CCDC171: variants seen among roughly 807,000 people sequenced by gnomAD.
CCDC171 encodes coiled-coil domain containing 171.
CCDC171 carries 177 observed loss-of-function variants against 168.2 expected under a neutral mutation model. That is an observed-to-expected ratio of 1.05 (90% CI 0.93 to 1.19). CCDC171 has a LOEUF of 1.19. CCDC171 is among the 50% of genes most tolerant of loss of function. The pLI is 0.00. For missense variants in CCDC171, 1,991 were observed against 1,539.0 expected (o/e 1.29, Z -4.91); for synonymous variants, 687 against 540.8 (o/e 1.27, Z -3.75).
intron 7 of CCDC171, among the ~76,000 whole-genome samples, chr9:15,634,961 C>T (rs923118113): frequency 1.3e-5 from 2 of 152,148 alleles, no homozygotes; most frequent in African/African-American, 2.4e-5. Flanking sequence ...CATGTTGCAG[C>T]ATGTATTAGT....
rs780250149 is a variant in CCDC171 at position 15,723,687 on chromosome 9, G to T, written c.1432G>T (p.Ala478Ser). ...KLEDASNEEKACNELDSTKQK... is the reference protein window; with the variant it reads ...KLEDASNEEKSCNELDSTKQK... Reference sequence around the variant, plus strand: ...CAGCATGAATGATGTTAAGGAAAAGGCATGTAATGAACTTGATTCTACGAA... The same window carrying T: ...CAGCATGAATGATGTTAAGGAAAAGTCATGTAATGAACTTGATTCTACGAA... The change falls in exon 13 of 26, where the codon GCA (alanine) becomes TCA (serine). Residue 478 changes from alanine (A) to serine (S), a missense_variant. Transcript: ENST00000380701. 6.3e-7 allele frequency: 1 copy of T among 1,592,860 alleles called. No individual in the cohort carries two copies. The highest frequency in any genetic ancestry group is 1.1e-5 in the South Asian group (1 of 87,906).
intron 6 of CCDC171, among the ~76,000 whole-genome samples, chr9:15,604,507 A>G (rs927300922): frequency 6.6e-6 from 1 of 152,354 alleles, no homozygotes; most frequent in East Asian, 1.9e-4. Context: ...CTATACCTCA[A>G]CCAGGGAATA....
At chr9:16,097,233 T>C in the CCDC171 span, among the ~76,000 whole-genome samples, 1 of 149,668 alleles carries the variant, frequency 6.7e-6, no homozygotes, top group African/African-American at 2.6e-5. Flanking sequence ...GATAGAATGC[T>C]TATGGCATGT....
At chr9:16,090,644 C>G in the CCDC171 span, among the ~76,000 whole-genome samples, 1 of 152,212 alleles carries the variant, frequency 6.6e-6, no homozygotes. Context: ...TCACTTTTAT[C>G]TACCTGTCCC....
chr9:15,834,071 C>G (rs1323031150), intron 21 of CCDC171, among the ~76,000 whole-genome samples: 1 of 151,860 alleles, frequency 6.6e-6, no homozygotes, highest in Non-Finnish European at 1.5e-5. Context: ...TTCAGTGGGC[C>G]CAATTTTAAA....
At position 15,920,313 on chromosome 9, in the gene CCDC171, C is replaced by T; in HGVS notation, c.3644C>T (p.Thr1215Ile). The T allele has an allele frequency of 6.2e-7, 1 of 1,607,024 alleles. No individual in the cohort carries two copies. The part of the protein sequence containing the change: ...SFMDVYQLAS[T>I]RIMTLEKEMT... ...ATGGATGTCTACCAGCTTGCAAGCA[C>T]TAGAATCATGACATTAGAGAAGGAA... The change falls in exon 25 of 26, where the codon ACT becomes ATT. Residue 1215 changes from threonine to isoleucine, a missense_variant. Physicochemically the swap from Thr to Ile is moderately conservative, Grantham distance 89. Coordinates refer to ENST00000380701, the MANE Select transcript of CCDC171 (RefSeq NM_173550.4).
At chr9:16,089,874 A>G in the CCDC171 span, among the ~76,000 whole-genome samples, 1 of 152,230 alleles carries the variant, frequency 6.6e-6, no homozygotes, top group Non-Finnish European at 1.5e-5. Flanking sequence ...ACAATGAGAT[A>G]TCATCCCATG....
chr9:15,574,491 C>T lies in CCDC171; in HGVS notation c.177+2732C>T, dbSNP rs187593584. On this transcript the variant is annotated intron_variant, in intron 3 of 25. Transcript: ENST00000380701. Reference sequence around the variant, plus strand: ...ACGGAGTTTTACCATGTTGGCCAGGCTGGTCGCGAACTCCTGACCTCAAGT... The same window carrying T: ...ACGGAGTTTTACCATGTTGGCCAGGTTGGTCGCGAACTCCTGACCTCAAGT... 4.5e-4 allele frequency among the ~76,000 whole-genome samples: 69 copies of T among 152,120 alleles called. No homozygotes were observed. The Middle Eastern group carries it at 0.01, about 22-fold the overall frequency.
In CCDC171 at chr9:15,849,294, C is replaced by A. The variant is rs183983185; in HGVS notation, c.3468+347C>A. On this transcript the variant is annotated intron_variant, in intron 23 of 25. Coordinates refer to ENST00000380701, the MANE Select transcript of CCDC171 (RefSeq NM_173550.4). ...TACCACAGTGTCTAACCTCTTACCA[C>A]TCTTAAACCAATGGTCCTATATATA... 5.3e-5 allele frequency among the ~76,000 whole-genome samples: 8 copies of A among 151,238 alleles called. No individual in the cohort carries two copies. The East Asian group carries it at 1.4e-3, about 26-fold the overall frequency.
At chr9:15,901,658 A>G (rs1377339235) in intron 24 of CCDC171, among the ~76,000 whole-genome samples, 2 of 152,226 alleles carry the variant, frequency 1.3e-5, no homozygotes, top group Non-Finnish European at 2.9e-5. Flanking sequence ...AGTAAGAAAT[A>G]ACATATGTAT....
intron 4 of CCDC171, 80 bp from the exon 5 acceptor site, chr9:15,591,286 C>A: frequency 1.3e-6 from 1 of 796,700 alleles, no homozygotes; most frequent in Non-Finnish European, 2.0e-6. Flanking sequence ...TAAATGATGT[C>A]AACTCCAATG....
chr9:16,097,189 A>G, the CCDC171 span, among the ~76,000 whole-genome samples: 18 of 152,324 alleles, frequency 1.2e-4, no homozygotes, highest in Admixed American at 3.3e-4. Flanking sequence ...CCAGGTGTCA[A>G]GGTAAAACCA....
chr9:15,706,345 A>G (rs747338705), intron 11 of CCDC171, among the ~76,000 whole-genome samples: 10 of 151,074 alleles, frequency 6.6e-5, no homozygotes, highest in Admixed American at 1.3e-4. Context: ...GCTGGAGTGC[A>G]GTGGTGCAGT....
At chr9:15,758,512 T>C (rs538151341) in intron 18 of CCDC171, among the ~76,000 whole-genome samples, 8 of 152,338 alleles carry the variant, frequency 5.3e-5, no homozygotes, top group African/African-American at 1.9e-4. Flanking sequence ...GATGAGACTT[T>C]GGACTGTGGA....
At chr9:16,010,943 G>C (rs992265087) in intron 3 of CCDC171, among the ~76,000 whole-genome samples, 1 of 152,080 alleles carries the variant, frequency 6.6e-6, no homozygotes, top group Non-Finnish European at 1.5e-5. Flanking sequence ...AGCCTGATTC[G>C]CTCCTGAGTA....
In CCDC171 at chr9:15,602,847, G is replaced by A. The variant is rs753923471; in HGVS notation, c.675+8675G>A. ...TAATTTTTGTATTTTTAGTAGAGAC[G>A]GAGTTTTGCCAGGTTGGCAAGGCTG... On this transcript the variant is annotated intron_variant, in intron 6 of 25. Transcript: ENST00000380701. Among the ~76,000 whole-genome samples, 76 of 151,748 alleles carry A rather than the reference G, an allele frequency of 5.0e-4. No individual in the cohort carries two copies. In the Middle Eastern group the frequency reaches 0.01, roughly 21 times the overall value.
chr9:15,589,624 A>G (rs182841093), intron 4 of CCDC171, among the ~76,000 whole-genome samples: 25 of 152,348 alleles, frequency 1.6e-4, no homozygotes, highest in African/African-American at 5.0e-4. Context: ...AAAGTTGTAT[A>G]CTGTTAATTG....
intron 21 of CCDC171, among the ~76,000 whole-genome samples, chr9:15,810,192 G>T (rs2059278304): frequency 6.6e-6 from 1 of 152,012 alleles, no homozygotes; most frequent in Non-Finnish European, 1.5e-5. Flanking sequence ...GTCCCCACCA[G>T]ATTAGCTAGA....
intron 6 of CCDC171, among the ~76,000 whole-genome samples, chr9:15,606,019 C>G (rs1227805842): frequency 6.6e-6 from 1 of 152,062 alleles, no homozygotes; most frequent in African/African-American, 2.4e-5. Flanking sequence ...ACACACATAC[C>G]TATGATAACG....
Sources: allele counts gnomAD v4.1 joint callset (sites outside exome capture counted in the v4.1 genomes callset), GRCh38; gene constraint gnomAD v4.1.1; transcripts MANE v1.5; gene names NCBI Gene and HGNC (gene_info 2026-07-23, HGNC 2026-07-21).